The following ATXN2 variants were observed in gnomAD, a reference collection of about 807,000 sequenced individuals.
The protein encoded by ATXN2 is ataxin 2.
Under a neutral mutation model 138.6 loss-of-function variants are expected in ATXN2, and 37 were observed. The ratio of observed to expected loss-of-function variants is 0.27; its 90% CI spans 0.21 to 0.35. The LOEUF is 0.35. ATXN2 is among the 10% of genes least tolerant of loss of function. The pLI, the probability that ATXN2 is intolerant of heterozygous loss-of-function variation, is 1.00. For synonymous variants in ATXN2, 549 were observed against 543.7 expected, an observed-to-expected ratio of 1.01 and a Z score of -0.13; for missense variants, 1,216 against 1,480.3, an observed-to-expected ratio of 0.82 and a Z score of 2.93.
chr12:111,582,512 G>A (rs1045733057), intron 1 of ATXN2, among the ~76,000 whole-genome samples: 32 of 152,182 alleles, frequency 2.1e-4, no homozygotes, highest in African/African-American at 7.2e-4. Context: ...GGAGGCTGAG[G>A]TGGGAGGATC....
chr12:111,591,261 G>T (rs961139665), intron 1 of ATXN2, among the ~76,000 whole-genome samples: 3 of 152,054 alleles, frequency 2.0e-5, no homozygotes, highest in African/African-American at 7.3e-5. Context: ...CCGGTCCCTA[G>T]TGTTAAAAAG....
At chr12:111,459,045 T>C (rs1236356069) in intron 21 of ATXN2, among the ~76,000 whole-genome samples, 2 of 152,250 alleles carry the variant, frequency 1.3e-5, no homozygotes, top group Admixed American at 1.3e-4. Context: ...TATTCCTTCA[T>C]ATCCAGTTTA....
At chr12:111,466,506 A>C (rs980131931) in intron 20 of ATXN2, among the ~76,000 whole-genome samples, 1 of 152,248 alleles carries the variant, frequency 6.6e-6, no homozygotes. Flanking sequence ...ATCTCAAAAA[A>C]AGAGACATCA....
In ATXN2 at chr12:111,453,924, G is replaced by A. The variant is rs1874869540; in HGVS notation, c.3271-79C>T. 1.4e-6 allele frequency: 2 copies of A among 1,448,854 alleles called. No individual in the cohort carries two copies. Among genetic ancestry groups the A allele is most frequent in the Non-Finnish European group, 1.9e-6 (2 of 1,070,206 alleles). The allele number at this position is 1,448,854 out of a possible 1,614,324, so 89.7% of individuals were successfully genotyped here. On this transcript the variant is annotated intron_variant, in intron 23 of 24. Transcript: ENST00000673436. This position sits in a 1 kb window ranked among gnomAD's most constrained non-coding sequence, Gnocchi z 5.4. ...ATGTCAACTGTGTTCCTTTCACTGG[G>A]CTGGGACTCTCAGGAAAGGGCAACG... is the stretch of plus-strand genomic sequence containing the variant.
At chr12:111,549,436 T>C (rs1321614385) in intron 5 of ATXN2, among the ~76,000 whole-genome samples, 1 of 151,634 alleles carries the variant, frequency 6.6e-6, no homozygotes, top group Non-Finnish European at 1.5e-5. Context: ...CTCGGGAGGC[T>C]GAGGCAGGAG....
intron 1 of ATXN2, chr12:111,597,974 C>A: frequency 8.2e-7 from 1 of 1,219,860 alleles, no homozygotes; most frequent in Non-Finnish European, 1.0e-6. Flanking sequence ...GATCGGCCAC[C>A]ACCCGCGCGC....
intron 16 of ATXN2, 134 bp from the exon 17 acceptor site, chr12:111,485,999 A>G (rs905367921): frequency 4.1e-6 from 3 of 726,822 alleles, no homozygotes; most frequent in African/African-American, 3.6e-5. Context: ...ACAAAAACAC[A>G]GCACATAAAT....
intron 5 of ATXN2, among the ~76,000 whole-genome samples, chr12:111,536,183 G>A (rs1175094132): frequency 6.6e-6 from 1 of 152,068 alleles, no homozygotes; most frequent in African/African-American, 2.4e-5. Flanking sequence ...TTATGTCAAT[G>A]CCCAAGATTG....
At chr12:111,544,826 C>G (rs1397997510) in intron 5 of ATXN2, among the ~76,000 whole-genome samples, 4 of 152,142 alleles carry the variant, frequency 2.6e-5, no homozygotes, top group African/African-American at 9.7e-5. Flanking sequence ...TTAATCGTAG[C>G]CTTAGGCAGG....
At chr12:111,459,575 G>T (rs2283357) in intron 21 of ATXN2, among the ~76,000 whole-genome samples, 1 of 151,796 alleles carries the variant, frequency 6.6e-6, no homozygotes, top group Non-Finnish European at 1.5e-5. Flanking sequence ...CGAGTAGCTG[G>T]AACTATAGGC....
At chr12:111,550,198 A>C (rs549748633) in intron 5 of ATXN2, among the ~76,000 whole-genome samples, 6 of 152,270 alleles carry the variant, frequency 3.9e-5, no homozygotes, top group Admixed American at 3.9e-4. Context: ...GTAGAGTGAG[A>C]TTTTCAAAGT....
chr12:111,559,698 G>A (rs848129), intron 1 of ATXN2, among the ~76,000 whole-genome samples: 14 of 150,326 alleles, frequency 9.3e-5, no homozygotes, highest in African/African-American at 3.2e-4. Context: ...ACTTGAACCC[G>A]GGAAGTGGAG....
Position 111,452,748 on chromosome 12 carries a change from T to G in ATXN2, c.*64A>C. 2.0e-6 allele frequency: 3 copies of G among 1,508,436 alleles called. No individual in the cohort carries two copies. Among genetic ancestry groups the G allele is most frequent in the Non-Finnish European group, 2.8e-6 (3 of 1,084,432 alleles). 93.4% of individuals were successfully genotyped at this position (1,508,436 alleles called of 1,614,324 possible). On this transcript the variant is annotated 3_prime_UTR_variant, in exon 25 of 25. Coordinates refer to ENST00000673436, the MANE Select transcript of ATXN2 (RefSeq NM_001372574.1). Reference sequence around the variant, plus strand: ...AAATGAAATTCTAGTTTTCTGTGCTTCCAGTTGGTAGAAGCAGTAGAAGGG... The same window carrying G: ...AAATGAAATTCTAGTTTTCTGTGCTGCCAGTTGGTAGAAGCAGTAGAAGGG...
At chr12:111,590,529 A>G (rs1195920484) in intron 1 of ATXN2, among the ~76,000 whole-genome samples, 3 of 152,034 alleles carry the variant, frequency 2.0e-5, no homozygotes, top group Non-Finnish European at 4.4e-5. Flanking sequence ...TACTAAAAAT[A>G]CAAAAATTAG....
intron 1 of ATXN2, among the ~76,000 whole-genome samples, chr12:111,586,219 C>CTTT (rs112320110): frequency 7.2e-6 from 1 of 139,680 alleles, no homozygotes; most frequent in Non-Finnish European, 1.6e-5. Flanking sequence ...GTCTTCCAAA[C>CTTT]TTTTTTTTTT....
intron 14 of ATXN2, among the ~76,000 whole-genome samples, chr12:111,500,131 T>C (rs765958943): frequency 7.9e-5 from 12 of 152,116 alleles, no homozygotes; most frequent in Non-Finnish European, 1.6e-4. Flanking sequence ...AGAAAGGAAA[T>C]CAGTTTATTG....
chr12:111,464,317 T>G (rs1875822581), intron 21 of ATXN2, among the ~76,000 whole-genome samples: 1 of 144,172 alleles, frequency 6.9e-6, no homozygotes, highest in African/African-American at 2.7e-5. Context: ...ACCAAGCTTG[T>G]GGCTTGGGTG....
At chr12:111,532,405 A>T (rs1222250131) in intron 5 of ATXN2, among the ~76,000 whole-genome samples, 2 of 152,148 alleles carry the variant, frequency 1.3e-5, no homozygotes, top group African/African-American at 4.8e-5. Context: ...GTTTGAACCC[A>T]GGAGGCAGAG....
intron 1 of ATXN2, among the ~76,000 whole-genome samples, chr12:111,578,185 A>G (rs1883788856): frequency 6.6e-6 from 1 of 152,178 alleles, no homozygotes; most frequent in Non-Finnish European, 1.5e-5. Context: ...CGATAGAGCG[A>G]GACTCCATCT....
Sources: allele counts gnomAD v4.1 joint callset (sites outside exome capture counted in the v4.1 genomes callset), GRCh38; gene constraint gnomAD v4.1.1; non-coding constraint Gnocchi (gnomAD v3.1); transcripts MANE v1.5; gene names NCBI Gene and HGNC (gene_info 2026-07-23, HGNC 2026-07-21).